The following OTOGL variants were observed in gnomAD, a reference collection of about 807,000 sequenced individuals.
OTOGL encodes the protein otogelin like, also known as otogelin-like protein.
A neutral mutation model predicts 318.5 loss-of-function variants in OTOGL; 285 were observed. The ratio of observed to expected loss-of-function variants is 0.89; its 90% confidence interval spans 0.81 to 0.99. The LOEUF is 0.99. Ranked by LOEUF, OTOGL falls within the 50% of genes least tolerant of loss-of-function variation. The pLI is 0.00. For synonymous variants in OTOGL, 987 were observed against 936.5 expected, an observed-to-expected ratio of 1.05 and a Z score of -0.99; for missense variants, 2,899 against 2,845.6, an observed-to-expected ratio of 1.02 and a Z score of -0.43.
intron 1 of OTOGL, chr12:80,189,542 A>G (rs1340671174): frequency 1.2e-6 from 1 of 857,650 alleles, no homozygotes; most frequent in Admixed American, 6.2e-5. Context: ...GTGAATTTCT[A>G]GGAAGCTTCT....
intron 7 of OTOGL, among the ~76,000 whole-genome samples, chr12:80,222,575 C>G (rs1253300298): frequency 1.3e-5 from 2 of 152,148 alleles, no homozygotes; most frequent in Non-Finnish European, 2.9e-5. Context: ...TAGTTTGATA[C>G]TATATGACTG....
chr12:80,128,848 G>T (rs1366332128), intron 1 of OTOGL, among the ~76,000 whole-genome samples: 1 of 152,224 alleles, frequency 6.6e-6, no homozygotes, highest in Admixed American at 6.5e-5. Flanking sequence ...CCAGGTGCGG[G>T]ATACAATCTC....
chr12:80,283,898 T>A (rs1460549315), intron 26 of OTOGL, among the ~76,000 whole-genome samples: 1 of 152,104 alleles, frequency 6.6e-6, no homozygotes, highest in African/African-American at 2.4e-5. Context: ...CTGGGGTACA[T>A]GTGCAGAACG....
intron 55 of OTOGL, among the ~76,000 whole-genome samples, chr12:80,370,013 G>A (rs918879281): frequency 6.6e-6 from 1 of 151,886 alleles, no homozygotes; most frequent in Non-Finnish European, 1.5e-5. Flanking sequence ...AATATTTCTT[G>A]AAAGAATAGG....
chr12:80,212,517 A>C (rs1877344853), intron 4 of OTOGL, among the ~76,000 whole-genome samples: 1 of 152,178 alleles, frequency 6.6e-6, no homozygotes, highest in African/African-American at 2.4e-5. Flanking sequence ...GTAGCACTGC[A>C]TTTGAGGAGA....
At chr12:80,292,928 C>A (rs1406820468) in intron 26 of OTOGL, among the ~76,000 whole-genome samples, 2 of 152,100 alleles carry the variant, frequency 1.3e-5, no homozygotes, top group Admixed American at 1.3e-4. Context: ...ACTTCAGGAG[C>A]CCTAATACCC....
Position 80,251,768 on chromosome 12 carries a change from T to C in OTOGL, c.1128T>C (p.Ile376=). Residue 376 remains isoleucine (I), a synonymous_variant, in exon 12 of 59, where the codon ATT becomes ATC. Transcript: ENST00000547103. The part of the protein sequence containing the change: ...ARACSHAGYP[I]QDWRDDFPAC... ...CCTGCTCTCATGCTGGCTACCCTAT[T>C]CAAGACTGGAGAGATGACTTTCCAG... 1.3e-6 allele frequency: 2 copies of C among 1,587,966 alleles called. No homozygotes were observed. The highest frequency in any genetic ancestry group is 2.3e-5 in the South Asian group (2 of 86,740).
chr12:80,111,582 C>A (rs748687913), intron 1 of OTOGL, among the ~76,000 whole-genome samples: 3 of 152,022 alleles, frequency 2.0e-5, no homozygotes, highest in Non-Finnish European at 4.4e-5. Flanking sequence ...ATTTGTGAGG[C>A]CTCTGTTCTG....
chr12:80,265,143 C>T lies in OTOGL; in HGVS notation c.2157C>T (p.Ala719=), dbSNP rs1882851560. 2 of 1,613,822 alleles carry T rather than the reference C, an allele frequency of 1.2e-6. No individual in the cohort carries two copies. Among genetic ancestry groups the T allele is most frequent in the Non-Finnish European group, 1.7e-6 (2 of 1,179,854 alleles). The change falls in exon 20 of 59, where the codon GCC becomes GCT. Residue 719 remains alanine (A), a synonymous_variant. Coordinates refer to ENST00000547103, the MANE Select transcript of OTOGL (RefSeq NM_001378609.3). ...CGSSCLCNAL[A]HYAYLCGQHG... is the part of the protein sequence containing the mutation. ...GCTCCTGCCTGTGCAATGCTCTTGC[C>T]CACTATGCCTACCTCTGCGGCCAGC...
chr12:80,221,845 A>AAGG (rs1878373913), intron 6 of OTOGL, among the ~76,000 whole-genome samples: 1 of 152,192 alleles, frequency 6.6e-6, no homozygotes, highest in Admixed American at 6.5e-5. Flanking sequence ...TTCTTTGAAA[A>AAGG]CAAAAGTTAA....
intron 35 of OTOGL, among the ~76,000 whole-genome samples, chr12:80,327,644 C>T (rs1274604672): frequency 6.6e-6 from 1 of 151,388 alleles, no homozygotes; most frequent in East Asian, 2.0e-4. Flanking sequence ...TGCCAATCTG[C>T]TTGGATGTGA....
intron 1 of OTOGL, among the ~76,000 whole-genome samples, chr12:80,113,896 T>C (rs1478063748): frequency 6.6e-6 from 1 of 152,196 alleles, no homozygotes; most frequent in Non-Finnish European, 1.5e-5. Context: ...TTTTCATCTT[T>C]TTTGGTTTAA....
In OTOGL at chr12:80,341,947, G is replaced by T. The variant is rs374451439; in HGVS notation, c.5051-1G>T. ...TTCTAACTGTCATATATTCTTTCAA[G>T]GAATTTGCAATGAAGATCCGGATGA... On this transcript the variant is annotated splice_acceptor_variant, in intron 43 of 58. Transcript: ENST00000547103. LOFTEE classifies it high-confidence loss of function. 6.3e-6 allele frequency: 10 copies of T among 1,592,182 alleles called. No individual in the cohort carries two copies. Among genetic ancestry groups the T allele is most frequent in the Non-Finnish European group, 8.6e-6 (10 of 1,165,694 alleles).
chr12:80,286,527 A>C (rs1373276864), intron 26 of OTOGL, among the ~76,000 whole-genome samples: 1 of 152,122 alleles, frequency 6.6e-6, no homozygotes. Flanking sequence ...TTGGTAGGCT[A>C]TTAATTACTG....
intron 32 of OTOGL, among the ~76,000 whole-genome samples, chr12:80,317,198 T>C (rs956606337): frequency 6.6e-6 from 1 of 152,146 alleles, no homozygotes; most frequent in African/African-American, 2.4e-5. Flanking sequence ...TTCAGGGTAA[T>C]TTTATTAGAT....
At chr12:80,179,493 T>A (rs1174591405) in intron 1 of OTOGL, among the ~76,000 whole-genome samples, 4 of 152,176 alleles carry the variant, frequency 2.6e-5, no homozygotes, top group Admixed American at 6.5e-5. Context: ...CTTCAAGTAA[T>A]GTTTCAAACT....
At chr12:80,278,707 C>T (rs1883990408) in intron 25 of OTOGL, among the ~76,000 whole-genome samples, 1 of 151,524 alleles carries the variant, frequency 6.6e-6, no homozygotes, top group African/African-American at 2.4e-5. Flanking sequence ...TTTAAATTTA[C>T]TCAAATATGG....
At chr12:80,113,998 T>C (rs750784272) in intron 1 of OTOGL, among the ~76,000 whole-genome samples, 1 of 152,166 alleles carries the variant, frequency 6.6e-6, no homozygotes, top group Non-Finnish European at 1.5e-5. Context: ...ATTTTGAGCC[T>C]ATGTGTGTCT....
intron 1 of OTOGL, among the ~76,000 whole-genome samples, chr12:80,177,570 T>A (rs531070267): frequency 6.6e-6 from 1 of 152,208 alleles, no homozygotes; most frequent in Non-Finnish European, 1.5e-5. Flanking sequence ...TCCTTTTTTT[T>A]AAATGAAAGT....
Sources: allele counts gnomAD v4.1 joint callset (sites outside exome capture counted in the v4.1 genomes callset), GRCh38; gene constraint gnomAD v4.1.1; transcripts MANE v1.5; gene names NCBI Gene and HGNC (gene_info 2026-07-23, HGNC 2026-07-21).